The following ARHGAP15 variants were observed in gnomAD, a reference collection of about 807,000 sequenced individuals.
ARHGAP15 encodes rho GTPase-activating protein 15.
ARHGAP15 carries 51 observed loss-of-function variants against 63.7 expected under a neutral mutation model. The ratio of observed to expected loss-of-function variants is 0.80; its 90% confidence interval spans 0.64 to 1.01. ARHGAP15 has a LOEUF of 1.01. ARHGAP15 is among the 50% of genes least tolerant of loss of function. The probability of loss-of-function intolerance (pLI) is 0.00; values close to 1 mark genes in which losing one functional copy is unlikely to be tolerated. For synonymous variants in ARHGAP15, 191 were observed against 193.8 expected (o/e 0.99, Z 0.12); for missense variants, 560 against 564.6 (o/e 0.99, Z 0.08).
At chr2:143,390,922 G>A (rs935666251) in intron 6 of ARHGAP15, among the ~76,000 whole-genome samples, 1 of 152,126 alleles carries the variant, frequency 6.6e-6, no homozygotes, top group African/African-American at 2.4e-5. Flanking sequence ...ATTGATTGTT[G>A]CTGGCTTGAA....
rs572536829 is a variant in ARHGAP15, at chr2:143,203,189, C to CT, written c.234+994dup. ...CCATCCTTAGCACCAACAATAATTT[C>CT]TTTTTTTGCTTCAGTGTTCCTGTTT... is the stretch of plus-strand genomic sequence containing the variant. On this transcript the variant is annotated intron_variant, in intron 3 of 13. Coordinates refer to ENST00000295095, the MANE Select transcript of ARHGAP15 (RefSeq NM_018460.4). Among the ~76,000 whole-genome samples the CT allele has an allele frequency of 7.9e-5, 12 of 152,154 alleles. 1 individual carries two copies. The East Asian group carries it at 2.3e-3, about 29-fold the overall frequency.
intron 6 of ARHGAP15, among the ~76,000 whole-genome samples, chr2:143,398,939 C>G (rs1046547733): frequency 2.0e-5 from 3 of 152,012 alleles, no homozygotes; most frequent in African/African-American, 7.2e-5. Flanking sequence ...GAGGCTGATT[C>G]ACTGGTGAAC....
intron 6 of ARHGAP15, among the ~76,000 whole-genome samples, chr2:143,333,218 C>T (rs1386301584): frequency 6.6e-6 from 1 of 152,076 alleles, no homozygotes; most frequent in African/African-American, 2.4e-5. Flanking sequence ...AAATTTTCTC[C>T]ACCTCTAATA....
chr2:143,210,623 G>C (rs1206891604), intron 3 of ARHGAP15, among the ~76,000 whole-genome samples: 1 of 152,104 alleles, frequency 6.6e-6, no homozygotes, highest in Non-Finnish European at 1.5e-5. Context: ...TCCTAAGTGA[G>C]AGAAAGTAAG....
intron 11 of ARHGAP15, chr2:143,606,953 T>C (rs1698061615): frequency 6.6e-6 from 1 of 152,254 alleles, no homozygotes; most frequent in Admixed American, 6.5e-5. Context: ...AAAAGGTACA[T>C]TATATTACAT....
intron 2 of ARHGAP15, among the ~76,000 whole-genome samples, chr2:143,185,805 A>AAT (rs1418654420): frequency 6.6e-6 from 1 of 152,102 alleles, no homozygotes; most frequent in African/African-American, 2.4e-5. Context: ...ATAAAGTGAC[A>AAT]ATATATATAT....
intron 12 of ARHGAP15, among the ~76,000 whole-genome samples, chr2:143,632,094 ACAAT>A (rs1202792519): frequency 1.1e-4 from 17 of 151,666 alleles, no homozygotes; most frequent in African/African-American, 3.9e-4. Flanking sequence ...ACAGTGTGTA[ACAAT>A]CAAATCAGGG....
chr2:143,645,612 C>A (rs1021890861), intron 12 of ARHGAP15, among the ~76,000 whole-genome samples: 2 of 151,854 alleles, frequency 1.3e-5, no homozygotes, highest in Non-Finnish European at 2.9e-5. Flanking sequence ...AAATAATTGT[C>A]TTTTATTTTT....
intron 6 of ARHGAP15, among the ~76,000 whole-genome samples, chr2:143,364,203 C>CA (rs371427810): frequency 4.2e-4 from 63 of 148,368 alleles, no homozygotes; most frequent in African/African-American, 9.5e-4. Context: ...ACAACAACAA[C>CA]AAAAAAAAAA....
chr2:143,522,949 G>C (rs10207679), intron 10 of ARHGAP15, among the ~76,000 whole-genome samples: 83,450 of 151,956 alleles, frequency 0.55, 23,216 homozygotes, highest in Non-Finnish European at 0.6. Flanking sequence ...CTCTTAGATA[G>C]AAGGGCCTAG....
At chr2:143,418,450 T>C (rs1364781056) in intron 6 of ARHGAP15, among the ~76,000 whole-genome samples, 2 of 152,218 alleles carry the variant, frequency 1.3e-5, no homozygotes, top group Non-Finnish European at 2.9e-5. Flanking sequence ...TAGTGAGACA[T>C]ACTTTCTTTT....
intron 10 of ARHGAP15, 100 bp from the exon 11 acceptor site, chr2:143,556,308 G>T: frequency 1.1e-6 from 1 of 887,398 alleles, no homozygotes; most frequent in Non-Finnish European, 1.7e-6. Context: ...TTTTATCTGA[G>T]AAGAATAGAT....
chr2:143,243,803 T>C (rs762115536), intron 5 of ARHGAP15, among the ~76,000 whole-genome samples: 5 of 152,198 alleles, frequency 3.3e-5, no homozygotes, highest in Non-Finnish European at 1.5e-5. Context: ...AAAACTGCTC[T>C]TCAGGCATAG....
chr2:143,335,645 G>A (rs957874242), intron 6 of ARHGAP15, among the ~76,000 whole-genome samples: 2 of 152,188 alleles, frequency 1.3e-5, no homozygotes, highest in Non-Finnish European at 2.9e-5. Flanking sequence ...GGAAGGAAGG[G>A]CATGAAGCTG....
chr2:143,312,465 T>A (rs1473326611), intron 6 of ARHGAP15, among the ~76,000 whole-genome samples: 1 of 152,150 alleles, frequency 6.6e-6, no homozygotes, highest in African/African-American at 2.4e-5. Flanking sequence ...GCAGTTATTT[T>A]TTTCAAAGAT....
chr2:143,654,707 C>G (rs1681343307), intron 12 of ARHGAP15, among the ~76,000 whole-genome samples: 1 of 152,132 alleles, frequency 6.6e-6, no homozygotes, highest in Non-Finnish European at 1.5e-5. Flanking sequence ...AGTCTGAAAC[C>G]CAAGGGTTTT....
chr2:143,664,720 A>G (rs1226318954), intron 12 of ARHGAP15, among the ~76,000 whole-genome samples: 2 of 152,326 alleles, frequency 1.3e-5, no homozygotes, highest in African/African-American at 4.8e-5. Flanking sequence ...ACACAATAAA[A>G]ATGATAAAGG....
At chr2:143,343,211 A>G (rs1329373326) in intron 6 of ARHGAP15, among the ~76,000 whole-genome samples, 1 of 152,076 alleles carries the variant, frequency 6.6e-6, no homozygotes, top group Non-Finnish European at 1.5e-5. Context: ...CTGAGTTTTC[A>G]TGGATAAGTA....
At position 143,474,371 on chromosome 2, in the gene ARHGAP15, A is replaced by G. The variant is rs557681726; in HGVS notation, c.704-13002A>G. Among the ~76,000 whole-genome samples, 153 of 152,340 alleles carry G rather than the reference A, an allele frequency of 1.0e-3. 4 individuals are homozygous for G. In the South Asian group the frequency reaches 0.031, roughly 31 times the overall value. On this transcript the variant is annotated intron_variant, in intron 8 of 13. Transcript: ENST00000295095. The stretch of plus-strand genomic sequence containing the variant: ...TAATTATGCATACAAATTTAAATAT[A>G]TTTCCATATTATATTCAAAACTGCC...
Sources: allele counts gnomAD v4.1 joint callset (sites outside exome capture counted in the v4.1 genomes callset), GRCh38; gene constraint gnomAD v4.1.1; transcripts MANE v1.5; gene names NCBI Gene and HGNC (gene_info 2026-07-23, HGNC 2026-07-21).